ADAM12: variants seen among roughly 807,000 people sequenced by gnomAD.
ADAM12 encodes ADAM metallopeptidase domain 12, also known as disintegrin and metalloproteinase domain-containing protein 12.
Under a neutral mutation model 106.4 loss-of-function variants are expected in ADAM12, and 70 were observed. That is an observed-to-expected ratio of 0.66 (90% CI 0.54 to 0.80). The LOEUF is 0.80. Among genes scored for constraint, ADAM12 ranks in the 30% least tolerant of loss-of-function variants. The pLI, the probability that ADAM12 is intolerant of heterozygous loss-of-function variation, is 0.00. For synonymous variants in ADAM12, 420 were observed against 433.5 expected, an observed-to-expected ratio of 0.97 and a Z score of 0.39; for missense variants, 1,010 against 1,171.9, an observed-to-expected ratio of 0.86 and a Z score of 2.02.
In ADAM12 at chr10:126,032,935, A is replaced by T. The variant is rs1002556376; in HGVS notation, c.2529+3211T>A. 2.0e-5 allele frequency among the ~76,000 whole-genome samples: 3 copies of T among 152,374 alleles called. No individual in the cohort carries two copies. The East Asian group carries it at 5.8e-4, about 29-fold the overall frequency. ...GCATGAAAGGAATGGGAAAATTCAC[A>T]AAAGAAAAATTCAATATTCAAAACC... On this transcript the variant is annotated intron_variant, in intron 21 of 22. Coordinates refer to ENST00000448723, the MANE Select transcript of ADAM12 (RefSeq NM_001288973.2).
At chr10:126,160,084 T>G (rs896935109) in intron 3 of ADAM12, among the ~76,000 whole-genome samples, 1 of 152,150 alleles carries the variant, frequency 6.6e-6, no homozygotes, top group African/African-American at 2.4e-5. Context: ...ATACCACTTG[T>G]GTACATTGTA....
chr10:126,150,203 A>C (rs1590506740), intron 4 of ADAM12, among the ~76,000 whole-genome samples: 1 of 152,138 alleles, frequency 6.6e-6, no homozygotes, highest in Non-Finnish European at 1.5e-5. Context: ...TGAAATAACT[A>C]TTTACACTGT....
At chr10:126,107,042 A>G (rs1407954465) in intron 8 of ADAM12, among the ~76,000 whole-genome samples, 5 of 152,206 alleles carry the variant, frequency 3.3e-5, no homozygotes, top group Admixed American at 3.3e-4. Context: ...TTTGCATACA[A>G]TATGAGCATG....
chr10:126,318,828 T>C (rs1387605151), intron 2 of ADAM12, among the ~76,000 whole-genome samples: 2 of 152,202 alleles, frequency 1.3e-5, no homozygotes, highest in Non-Finnish European at 2.9e-5. Flanking sequence ...GACTCACAGT[T>C]CCACATGGCT....
chr10:126,066,916 C>G lies in ADAM12; in HGVS notation c.1324-110G>C. 1 of 1,032,056 alleles carries G rather than the reference C, an allele frequency of 9.7e-7. No individual in the cohort carries two copies. The highest frequency in any genetic ancestry group is 1.5e-6 in the Non-Finnish European group (1 of 682,526). 63.9% of individuals were successfully genotyped at this position (1,032,056 alleles called of 1,614,324 possible). A position where few individuals can be genotyped will look rare whatever the true frequency, so the allele number is the denominator to read the frequency against. On this transcript the variant is annotated intron_variant, in intron 12 of 22. Transcript: ENST00000448723. The surrounding 1 kb of genome is among the most constrained non-coding windows in gnomAD (Gnocchi z 5.1). ...AAAAAGCAAGAAAGACCAAGAGGGC[C>G]CAGCTCCTGAACTGCACACCTGCCT...
In ADAM12 at chr10:126,017,359, A is replaced by T; in HGVS notation, c.2661-20T>A. 1 of 1,563,316 alleles carries T rather than the reference A, an allele frequency of 6.4e-7. No individual in the cohort carries two copies. The highest frequency in any genetic ancestry group is 1.2e-5 in the South Asian group (1 of 84,866). On this transcript the variant is annotated intron_variant, in intron 22 of 22. Transcript: ENST00000448723. ...GCAGGTCTGAATGAAGAGAGGAGAA[A>T]AAAAAATGATCAGAGACCTTGAGAA... is the stretch of plus-strand genomic sequence containing the variant.
intron 2 of ADAM12, among the ~76,000 whole-genome samples, chr10:126,306,299 G>C (rs1007652647): frequency 2.6e-5 from 4 of 151,806 alleles, no homozygotes. Flanking sequence ...TATTAACTTA[G>C]TATCTTTACT....
chr10:126,338,463 G>A (rs1054424369), intron 1 of ADAM12, among the ~76,000 whole-genome samples: 5 of 151,398 alleles, frequency 3.3e-5, no homozygotes, highest in South Asian at 2.1e-4. Flanking sequence ...CGTTTTAGCC[G>A]GGATGGTCTC....
chr10:126,038,952 C>CT (rs34277276), intron 19 of ADAM12, among the ~76,000 whole-genome samples: 2,053 of 71,502 alleles, frequency 0.029, 139 homozygotes, highest in Non-Finnish European at 0.035. Flanking sequence ...GACACCATTT[C>CT]TTTTTTTTTT....
At chr10:126,296,158 TTTTA>T (rs1371486742) in intron 2 of ADAM12, among the ~76,000 whole-genome samples, 11 of 152,280 alleles carry the variant, frequency 7.2e-5, no homozygotes, top group Non-Finnish European at 1.5e-4. Context: ...TGTTCCTTAT[TTTTA>T]TTTTGAGATG....
chr10:126,135,784 C>CT, intron 4 of ADAM12, 124 bp from the exon 5 acceptor site: 1 of 848,846 alleles, frequency 1.2e-6, no homozygotes, highest in Non-Finnish European at 1.9e-6. Context: ...GTTCTACAGT[C>CT]TTAATATTTA....
intron 3 of ADAM12, among the ~76,000 whole-genome samples, chr10:126,248,808 T>C (rs1246432148): frequency 2.6e-5 from 4 of 151,962 alleles, no homozygotes; most frequent in Non-Finnish European, 5.9e-5. Context: ...TGGGTTCAAG[T>C]GATTCTCCTG....
intron 3 of ADAM12, among the ~76,000 whole-genome samples, chr10:126,163,588 A>G (rs975823535): frequency 2.6e-5 from 4 of 152,230 alleles, no homozygotes; most frequent in African/African-American, 9.6e-5. Flanking sequence ...TTACCCTTAT[A>G]TAATTTAGTT....
intron 5 of ADAM12, among the ~76,000 whole-genome samples, chr10:126,122,676 G>A (rs12265493): frequency 0.039 from 5,958 of 152,162 alleles, 251 homozygotes; most frequent in East Asian, 0.15. Context: ...TGGGAGAATC[G>A]CTTGAACCCA....
At chr10:126,155,100 A>C in intron 4 of ADAM12, 127 bp downstream of exon 4, 8 of 967,726 alleles carry the variant, frequency 8.3e-6, no homozygotes, top group Non-Finnish European at 1.1e-5. Context: ...GGGACACACC[A>C]GCGCTTCTTG....
At chr10:126,264,456 A>C (rs1000843821) in intron 3 of ADAM12, among the ~76,000 whole-genome samples, 22 of 152,264 alleles carry the variant, frequency 1.4e-4, no homozygotes, top group African/African-American at 5.3e-4. Flanking sequence ...GTTTTTCATA[A>C]GGAAGAAAAT....
intron 2 of ADAM12, among the ~76,000 whole-genome samples, chr10:126,313,649 A>G (rs1961217020): frequency 6.6e-6 from 1 of 152,066 alleles, no homozygotes; most frequent in Non-Finnish European, 1.5e-5. Context: ...CCATCTGTCC[A>G]TCCGTCGATC....
chr10:126,300,337 A>G (rs943792983), intron 2 of ADAM12, among the ~76,000 whole-genome samples: 4 of 152,060 alleles, frequency 2.6e-5, no homozygotes, highest in Non-Finnish European at 5.9e-5. Context: ...CCCACTGATA[A>G]ACAGGGGGGA....
intron 1 of ADAM12, among the ~76,000 whole-genome samples, chr10:126,343,985 G>C (rs933200260): frequency 6.6e-6 from 1 of 152,158 alleles, no homozygotes; most frequent in Non-Finnish European, 1.5e-5. Context: ...TGTTCACTCT[G>C]ATGGTAGTTT....
Sources: allele counts gnomAD v4.1 joint callset (sites outside exome capture counted in the v4.1 genomes callset), GRCh38; gene constraint gnomAD v4.1.1; non-coding constraint Gnocchi (gnomAD v3.1); transcripts MANE v1.5; gene names NCBI Gene and HGNC (gene_info 2026-07-23, HGNC 2026-07-21).